GLDN: variants seen among roughly 807,000 people sequenced by gnomAD.
The protein encoded by GLDN is collomin.
Under a neutral mutation model 56.5 loss-of-function variants are expected in GLDN, and 47 were observed. The ratio of observed to expected loss-of-function variants is 0.83; its 90% CI spans 0.66 to 1.06. The LOEUF is 1.06. Ranked by LOEUF, GLDN falls within the 50% of genes least tolerant of loss-of-function variation. GLDN has a pLI of 0.00. For synonymous variants in GLDN, 332 were observed against 278.8 expected (o/e 1.19, Z -1.90); for missense variants, 782 against 714.3 (o/e 1.09, Z -1.08).
At chr15:51,366,382 G>C (rs1436923294) in intron 1 of GLDN, among the ~76,000 whole-genome samples, 1 of 152,196 alleles carries the variant, frequency 6.6e-6, no homozygotes, top group Non-Finnish European at 1.5e-5. Context: ...CTGAAGACTG[G>C]GCAAGGCTGA....
At chr15:51,393,528 C>T (rs1462905401) in intron 4 of GLDN, among the ~76,000 whole-genome samples, 5 of 152,186 alleles carry the variant, frequency 3.3e-5, no homozygotes, top group Non-Finnish European at 7.3e-5. Context: ...TCTGGAATTC[C>T]CTCATGTGTA....
In GLDN at chr15:51,404,888, A is replaced by G. The variant is rs951610554; in HGVS notation, c.*134A>G. On this transcript the variant is annotated 3_prime_UTR_variant, in exon 10 of 10. Transcript: ENST00000335449. ...CTCAAAAGTGTTTATATGGTCAGTG[A>G]GCCCCGCTTAGTGAAATAGCAACAG... is the stretch of plus-strand genomic sequence containing the variant. 10 of 652,682 alleles carry G rather than the reference A, an allele frequency of 1.5e-5. No individual in the cohort carries two copies. Among genetic ancestry groups the G allele is most frequent in the Admixed American group, 4.9e-5 (2 of 40,452 alleles). The allele number at this position is 652,682 out of a possible 1,614,324, so 40.4% of individuals were successfully genotyped here. A position where few individuals can be genotyped will look rare whatever the true frequency, so the allele number is the denominator to read the frequency against.
At position 51,400,435 on chromosome 15, in the gene GLDN, A is replaced by T. The variant is rs1566952201; in HGVS notation, c.964A>T (p.Thr322Ser). 6.2e-7 allele frequency: 1 copy of T among 1,614,196 alleles called. No individual in the cohort carries two copies. ...ACTGAAAGTGACAGAGACATTTGGGACTTGGATAAGAGAGTCTGCTAACAA... is the reference window on the plus strand; with the variant it reads ...ACTGAAAGTGACAGAGACATTTGGGTCTTGGATAAGAGAGTCTGCTAACAA... ...QVLKVTETFG[T>S]WIRESANKSD... Residue 322 changes from threonine to serine, a missense_variant, in exon 8 of 10, where the codon ACT becomes TCT. Coordinates refer to ENST00000335449, the MANE Select transcript of GLDN (RefSeq NM_181789.4).
intron 1 of GLDN, among the ~76,000 whole-genome samples, chr15:51,371,598 T>C (rs2037517312): frequency 6.6e-6 from 1 of 152,200 alleles, no homozygotes; most frequent in African/African-American, 2.4e-5. Context: ...TAGGGCCCAT[T>C]TGGGCTATCT....
chr15:51,373,683 C>A (rs115428501), intron 1 of GLDN, among the ~76,000 whole-genome samples: 172 of 152,224 alleles, frequency 1.1e-3, no homozygotes, highest in African/African-American at 4.0e-3. Context: ...GAGGCCAGTG[C>A]GACTGGAGCA....
intron 4 of GLDN, among the ~76,000 whole-genome samples, chr15:51,394,634 A>ATAAG (rs1400158088): frequency 6.6e-6 from 1 of 152,114 alleles, no homozygotes; most frequent in African/African-American, 2.4e-5. Flanking sequence ...AAATAAATAA[A>ATAAG]TAAATAATCC....
At chr15:51,353,714 T>TA (rs1555401993) in intron 1 of GLDN, among the ~76,000 whole-genome samples, 366 of 72,038 alleles carry the variant, frequency 5.1e-3, no homozygotes, top group Middle Eastern at 0.029. Flanking sequence ...CGGATTTGAT[T>TA]AAAAAAAAAA....
Position 51,400,402 on chromosome 15 carries a change from G to A in GLDN, c.931G>A (p.Val311Met), listed in dbSNP as rs199785314. Reference protein sequence around the residue: ...ESMITSIGNPVQVLKVTETFG... With the variant: ...ESMITSIGNPMQVLKVTETFG... ...CATGATCACTTCCATTGGAAACCCAGTGCAAGTACTGAAAGTGACAGAGAC... is the reference window on the plus strand; with the variant it reads ...CATGATCACTTCCATTGGAAACCCAATGCAAGTACTGAAAGTGACAGAGAC... Residue 311 changes from valine to methionine, a missense_variant, in exon 8 of 10, where the codon GTG becomes ATG. Val to Met is a conservative substitution (Grantham distance 21). Transcript: ENST00000335449. 106 of 1,614,130 alleles carry A rather than the reference G, an allele frequency of 6.6e-5. 1 individual carries two copies. In the Middle Eastern group the frequency reaches 1.2e-3, roughly 18 times the overall value.
intron 1 of GLDN, among the ~76,000 whole-genome samples, chr15:51,375,300 C>A (rs577025566): frequency 1.3e-5 from 2 of 152,200 alleles, no homozygotes; most frequent in African/African-American, 4.8e-5. Flanking sequence ...TCCCTTCCAC[C>A]CTGGCCCTCC....
intron 1 of GLDN, among the ~76,000 whole-genome samples, chr15:51,362,294 G>T (rs980805734): frequency 2.6e-5 from 4 of 152,090 alleles, no homozygotes; most frequent in South Asian, 2.1e-4. Context: ...AGACCAGACT[G>T]ACCAACTTGG....
At chr15:51,399,931 A>G (rs1315638926) in intron 6 of GLDN, among the ~76,000 whole-genome samples, 1 of 152,176 alleles carries the variant, frequency 6.6e-6, no homozygotes, top group Admixed American at 6.5e-5. Context: ...GCTTTTACTG[A>G]CGTCCTTTTG....
chr15:51,348,657 C>A (rs956773153), intron 1 of GLDN, among the ~76,000 whole-genome samples: 1 of 151,842 alleles, frequency 6.6e-6, no homozygotes, highest in Non-Finnish European at 1.5e-5. Flanking sequence ...AAGAGAAGTA[C>A]AAAATCTGTT....
At chr15:51,380,219 C>T (rs971134026) in intron 2 of GLDN, among the ~76,000 whole-genome samples, 1 of 152,194 alleles carries the variant, frequency 6.6e-6, no homozygotes, top group African/African-American at 2.4e-5. Flanking sequence ...AATTCAAAGA[C>T]AAGATCACTG....
intron 1 of GLDN, among the ~76,000 whole-genome samples, chr15:51,364,170 C>A (rs1301628841): frequency 6.6e-6 from 1 of 152,150 alleles, no homozygotes; most frequent in Non-Finnish European, 1.5e-5. Context: ...AGAAAAGTTT[C>A]CGTCCTCCCT....
At chr15:51,352,669 T>A (rs2037097676) in intron 1 of GLDN, among the ~76,000 whole-genome samples, 1 of 152,210 alleles carries the variant, frequency 6.6e-6, no homozygotes, top group South Asian at 2.1e-4. Flanking sequence ...CAACAGGGCT[T>A]CTTCAGAGAT....
At chr15:51,363,438 C>G (rs2037341370) in intron 1 of GLDN, among the ~76,000 whole-genome samples, 2 of 152,172 alleles carry the variant, frequency 1.3e-5, no homozygotes, top group South Asian at 4.1e-4. Context: ...ACTTCTAAAT[C>G]AGTGAAAAAT....
chr15:51,394,069 C>G (rs142192283), intron 4 of GLDN, among the ~76,000 whole-genome samples: 2 of 152,212 alleles, frequency 1.3e-5, no homozygotes, highest in East Asian at 1.9e-4. Context: ...CCACTGTAGG[C>G]CTTAGTTTCA....
intron 1 of GLDN, among the ~76,000 whole-genome samples, chr15:51,356,263 G>C (rs2037185736): frequency 6.6e-6 from 1 of 151,704 alleles, no homozygotes; most frequent in Non-Finnish European, 1.5e-5. Context: ...AGGTGTCTCG[G>C]CCTTATTTTA....
intron 2 of GLDN, among the ~76,000 whole-genome samples, chr15:51,381,544 C>G (rs12443092): frequency 0.097 from 14,820 of 152,154 alleles, 1,449 homozygotes; most frequent in African/African-American, 0.24. Context: ...ACACCTATTT[C>G]TCCCAAAAGT....
Sources: gnomAD v4.1 joint callset for allele counts (sites outside exome capture counted in the v4.1 genomes callset) on GRCh38, gnomAD v4.1.1 for gene constraint, MANE v1.5 for transcripts, NCBI Gene and HGNC (gene_info 2026-07-23, HGNC 2026-07-21) for gene names.